The following KNTC1 variants were observed in gnomAD, a reference collection of about 807,000 sequenced individuals.
KNTC1 encodes kinetochore-associated protein 1.
A neutral mutation model predicts 314.4 loss-of-function variants in KNTC1; 253 were observed. The observed-to-expected ratio is 0.80, with a 90% CI of 0.73 to 0.89. The LOEUF (loss-of-function observed/expected upper bound fraction) is 0.89, where lower values mean the gene tolerates loss of function less well. KNTC1 is among the 40% of genes least tolerant of loss of function. The pLI is 0.00. For synonymous variants in KNTC1, 901 were observed against 901.4 expected (o/e 1.00, Z 0.01); for missense variants, 2,475 against 2,572.9 (o/e 0.96, Z 0.82).
At chr12:122,559,376 A>G (rs1347316501) in intron 18 of KNTC1, among the ~76,000 whole-genome samples, 1 of 152,098 alleles carries the variant, frequency 6.6e-6, no homozygotes, top group Non-Finnish European at 1.5e-5. Flanking sequence ...TTCAGGGTTC[A>G]TCCATGCTGT....
intron 16 of KNTC1, among the ~76,000 whole-genome samples, chr12:122,552,597 T>TG (rs1176909861): frequency 2.0e-5 from 3 of 152,080 alleles, no homozygotes; most frequent in African/African-American, 7.2e-5. Context: ...CTCCTGGGCT[T>TG]AAGAGATCTG....
chr12:122,601,287 G>A lies in KNTC1; in HGVS notation c.4564-249G>A, dbSNP rs1037778476. Among the ~76,000 whole-genome samples the A allele has an allele frequency of 9.9e-5, 15 of 151,394 alleles. No homozygotes were observed. In the East Asian group the frequency reaches 1.4e-3, roughly 14 times the overall value. On this transcript the variant is annotated intron_variant, in intron 44 of 63. Coordinates refer to ENST00000333479, the MANE Select transcript of KNTC1 (RefSeq NM_014708.6). The stretch of plus-strand genomic sequence containing the variant: ...TTTTTAGTAGAGACGGGGTTTCACC[G>A]TGTTTGCCAGGATGGTCTCGATCTC...
Position 122,538,400 on chromosome 12 carries a change from A to G in KNTC1, c.312A>G (p.Arg104=), listed in dbSNP as rs1201464350. The change falls in exon 4 of 64, where the codon AGA becomes AGG. Residue 104 remains arginine, a synonymous_variant. Transcript: ENST00000333479. ...QEGKFLLVGE[R]SGNLHLIHVT... ...GAAAGTTTCTTTTGGTTGGCGAGAGAAGTGGCAACCTACATCTTATTCATG... is the reference window on the plus strand; with the variant it reads ...GAAAGTTTCTTTTGGTTGGCGAGAGGAGTGGCAACCTACATCTTATTCATG... The G allele has an allele frequency of 1.9e-6, 3 of 1,606,734 alleles. No individual in the cohort carries two copies. In the East Asian group the frequency reaches 6.7e-5, roughly 36 times the overall value.
intron 20 of KNTC1, among the ~76,000 whole-genome samples, chr12:122,566,831 A>G (rs1249737761): frequency 7.9e-6 from 1 of 126,308 alleles, no homozygotes; most frequent in Non-Finnish European, 1.6e-5. Flanking sequence ...GCATGATCTC[A>G]GCTCACTGCA....
At chr12:122,610,343 G>A (rs556719338) in intron 52 of KNTC1, among the ~76,000 whole-genome samples, 2 of 152,234 alleles carry the variant, frequency 1.3e-5, no homozygotes, top group East Asian at 1.9e-4. Flanking sequence ...AATTCATAAC[G>A]TGCTGCTTTT....
chr12:122,560,087 A>C (rs1963876979), intron 18 of KNTC1, among the ~76,000 whole-genome samples: 1 of 152,164 alleles, frequency 6.6e-6, no homozygotes. Context: ...ATTAAATGGA[A>C]TCATTTAATC....
Position 122,529,972 on chromosome 12 carries a change from C to A in KNTC1, c.-73-19C>A, listed in dbSNP as rs902527954. On this transcript the variant is annotated intron_variant, in intron 1 of 63. Coordinates refer to ENST00000333479, the MANE Select transcript of KNTC1 (RefSeq NM_014708.6). ...GTAAGCTTTATCATTTCCCAAGGAA[C>A]CAGGTTCTATGCAACAAGATAATAT... 1.5e-6 allele frequency: 2 copies of A among 1,359,776 alleles called. No individual in the cohort carries two copies. Among genetic ancestry groups the A allele is most frequent in the African/African-American group, 1.5e-5 (1 of 68,598 alleles). The allele number at this position is 1,359,776 out of a possible 1,614,324, so 84.2% of individuals were successfully genotyped here. A position where few individuals can be genotyped will look rare whatever the true frequency, so the allele number is the denominator to read the frequency against.
chr12:122,588,840 AT>A, intron 40 of KNTC1, 24 bp downstream of exon 40: 3 of 1,457,414 alleles, frequency 2.1e-6, no homozygotes, highest in Non-Finnish European at 2.7e-6. Context: ...CTGGGTAAAA[AT>A]TTTGTTTGTT....
intron 5 of KNTC1, among the ~76,000 whole-genome samples, chr12:122,540,686 T>C (rs1030765059): frequency 6.6e-6 from 1 of 152,196 alleles, no homozygotes; most frequent in East Asian, 1.9e-4. Flanking sequence ...TATTATTATA[T>C]TTTTACTTCA....
chr12:122,547,563 C>A, intron 11 of KNTC1, 33 bp downstream of exon 11: 1 of 1,278,750 alleles, frequency 7.8e-7, no homozygotes. Context: ...AGTCATTTCC[C>A]TTCTGTTAGT....
chr12:122,555,880 A>G (rs1963553170), intron 16 of KNTC1, among the ~76,000 whole-genome samples: 1 of 152,082 alleles, frequency 6.6e-6, no homozygotes, highest in African/African-American at 2.4e-5. Flanking sequence ...AACAAGAATG[A>G]TTGTATATAC....
intron 18 of KNTC1, among the ~76,000 whole-genome samples, chr12:122,559,646 C>G (rs1565955349): frequency 1.3e-5 from 2 of 150,514 alleles, no homozygotes; most frequent in Non-Finnish European, 1.5e-5. Context: ...GATCTCGGCT[C>G]ACTGCAACCT....
intron 27 of KNTC1, 98 bp from the exon 28 acceptor site, chr12:122,575,445 T>C (rs188633311): frequency 2.8e-5 from 21 of 739,988 alleles, no homozygotes; most frequent in East Asian, 2.4e-4. Flanking sequence ...CAAACTACCA[T>C]GTGGTTGATG....
At chr12:122,594,445 G>A (rs1870754470) in intron 43 of KNTC1, 60 bp downstream of exon 43, 1 of 932,812 alleles carries the variant, frequency 1.1e-6, no homozygotes, top group Non-Finnish European at 1.7e-6. Flanking sequence ...TCTTTTGCAA[G>A]AACACAGTAA....
At chr12:122,546,409 T>C in intron 9 of KNTC1, 140 bp downstream of exon 9, 1 of 668,428 alleles carries the variant, frequency 1.5e-6, no homozygotes, top group Non-Finnish European at 2.6e-6. Context: ...GTTGTTCACA[T>C]ACAGAACAGT....
At chr12:122,577,101 A>C in intron 30 of KNTC1, 72 bp downstream of exon 30, 1 of 1,225,762 alleles carries the variant, frequency 8.2e-7, no homozygotes, top group Non-Finnish European at 1.1e-6. Flanking sequence ...TTTTTGAGAC[A>C]GGGTCTCGCT....
chr12:122,586,284 G>C (rs529838551), intron 37 of KNTC1, among the ~76,000 whole-genome samples: 89 of 152,240 alleles, frequency 5.8e-4, no homozygotes, highest in Middle Eastern at 3.4e-3. Context: ...GTTTCACCAT[G>C]TTGGCCAGGC....
At chr12:122,575,504 C>G in intron 27 of KNTC1, 39 bp from the exon 28 acceptor site, 4 of 1,414,702 alleles carry the variant, frequency 2.8e-6, no homozygotes, top group South Asian at 1.2e-5. Context: ...CATCGTAAAC[C>G]TGAGGGCTGT....
intron 52 of KNTC1, among the ~76,000 whole-genome samples, chr12:122,610,050 T>C (rs1040863592): frequency 6.6e-6 from 1 of 152,188 alleles, no homozygotes; most frequent in African/African-American, 2.4e-5. Flanking sequence ...ATGTCCAGCC[T>C]CAGCCTTGGA....
Sources: allele counts gnomAD v4.1 joint callset (sites outside exome capture counted in the v4.1 genomes callset), GRCh38; gene constraint gnomAD v4.1.1; transcripts MANE v1.5; gene names NCBI Gene and HGNC (gene_info 2026-07-23, HGNC 2026-07-21).